The following USH2A variants were observed in gnomAD, a reference collection of about 807,000 sequenced individuals.
The protein encoded by USH2A is usherin.
In USH2A, 443 loss-of-function variants were observed where a neutral mutation model predicts 538.9. The ratio of observed to expected loss-of-function variants is 0.82; its 90% CI spans 0.76 to 0.89. The LOEUF is 0.89. Ranked by LOEUF, USH2A falls within the 40% of genes least tolerant of loss-of-function variation. The probability of loss-of-function intolerance (pLI) is 0.00; values close to 1 mark genes in which losing one functional copy is unlikely to be tolerated. For synonymous variants in USH2A, 2,413 were observed against 2,273.5 expected (o/e 1.06, Z -1.75); for missense variants, 6,633 against 6,324.8 (o/e 1.05, Z -1.65).
chr1:215,712,460 G>A (rs958155102), intron 61 of USH2A, among the ~76,000 whole-genome samples: 66 of 152,140 alleles, frequency 4.3e-4, no homozygotes, highest in African/African-American at 1.5e-3. Context: ...GTTGGCCCTC[G>A]GCAGTGTCAC....
intron 55 of USH2A, among the ~76,000 whole-genome samples, chr1:215,774,324 T>G (rs1661393255): frequency 6.6e-6 from 1 of 151,900 alleles, no homozygotes; most frequent in Non-Finnish European, 1.5e-5. Context: ...AAGACGCCTT[T>G]CCTAAACAAG....
intron 12 of USH2A, among the ~76,000 whole-genome samples, chr1:216,249,601 G>GA (rs2036119345): frequency 1.3e-5 from 2 of 152,044 alleles, no homozygotes; most frequent in Admixed American, 6.6e-5. Context: ...TAAAAAATTA[G>GA]TTTCTGTATG....
chr1:216,005,848 G>C (rs946986630), intron 32 of USH2A, among the ~76,000 whole-genome samples: 2 of 152,080 alleles, frequency 1.3e-5, no homozygotes, highest in African/African-American at 2.4e-5. Flanking sequence ...TTCTGAGTGA[G>C]TGCATATAGA....
intron 4 of USH2A, among the ~76,000 whole-genome samples, chr1:216,363,850 G>C (rs1380790529): frequency 1.3e-5 from 2 of 151,570 alleles, no homozygotes; most frequent in Non-Finnish European, 2.9e-5. Flanking sequence ...AAGGCTCAGA[G>C]GAAGCATATG....
Position 216,413,491 on chromosome 1 carries a change from G to A in USH2A, c.651+5023C>T, listed in dbSNP as rs148589408. On this transcript the variant is annotated intron_variant, in intron 3 of 71. Transcript: ENST00000307340. ...TATTCTAACAAATGTTGGTTAAATT[G>A]CATTTTGTTTTCCTCCAGAACTATC... Among the ~76,000 whole-genome samples the A allele has an allele frequency of 1.9e-3, 285 of 152,138 alleles. 7 individuals are homozygous for A. The East Asian group carries it at 0.04, about 21-fold the overall frequency.
intron 49 of USH2A, among the ~76,000 whole-genome samples, chr1:215,808,879 G>A (rs1662577742): frequency 6.6e-6 from 1 of 151,990 alleles, no homozygotes; most frequent in South Asian, 2.1e-4. Context: ...ACAGGTTTTT[G>A]TGTAAACATA....
chr1:215,791,817 T>A (rs1237618015), intron 50 of USH2A, among the ~76,000 whole-genome samples: 1 of 152,204 alleles, frequency 6.6e-6, no homozygotes, highest in African/African-American at 2.4e-5. Flanking sequence ...TTTATGTGTG[T>A]GTAGCTATGT....
At chr1:215,709,645 TAAAAAAAA>T (rs5780846) in intron 61 of USH2A, among the ~76,000 whole-genome samples, 2 of 127,036 alleles carry the variant, frequency 1.6e-5, no homozygotes, top group Non-Finnish European at 3.3e-5. Flanking sequence ...AGATAATTTG[TAAAAAAAA>T]AAAAAAAAAA....
At chr1:215,793,135 T>C (rs979599551) in intron 50 of USH2A, among the ~76,000 whole-genome samples, 1 of 152,220 alleles carries the variant, frequency 6.6e-6, no homozygotes, top group Non-Finnish European at 1.5e-5. Flanking sequence ...TTATTTCATA[T>C]CTATGTCTAA....
intron 32 of USH2A, among the ~76,000 whole-genome samples, chr1:216,019,977 A>G (rs574569476): frequency 1.2e-4 from 18 of 152,284 alleles, no homozygotes; most frequent in African/African-American, 4.3e-4. Flanking sequence ...TAAATTAACA[A>G]CTAGTAGTAT....
intron 47 of USH2A, among the ~76,000 whole-genome samples, chr1:215,818,971 G>A (rs1183526042): frequency 2.0e-5 from 3 of 151,530 alleles, no homozygotes; most frequent in African/African-American, 7.3e-5. Flanking sequence ...AAATTATAAT[G>A]ATTTTTTTGT....
At chr1:216,083,235 T>C in intron 26 of USH2A, 2 of 445,694 alleles carry the variant, frequency 4.5e-6, no homozygotes. Flanking sequence ...TCTGTTTTCT[T>C]AAAATTATAA....
chr1:216,382,400 T>C (rs1332083869), intron 3 of USH2A, among the ~76,000 whole-genome samples: 1 of 152,190 alleles, frequency 6.6e-6, no homozygotes, highest in Non-Finnish European at 1.5e-5. Context: ...ATAAGAAAGA[T>C]GGATACAATT....
At chr1:216,174,488 C>G (rs2034334095) in intron 21 of USH2A, 1 of 985,260 alleles carries the variant, frequency 1.0e-6, no homozygotes, top group Non-Finnish European at 1.2e-6. Flanking sequence ...CAGGATTGTG[C>G]TGGTACAGAG....
intron 21 of USH2A, 23 bp downstream of exon 21, chr1:216,175,228 TA>T: frequency 6.2e-7 from 1 of 1,613,392 alleles, no homozygotes; most frequent in Non-Finnish European, 8.5e-7. Context: ...GTCTCCTAAA[TA>T]AAGCAATGTC....
At chr1:215,988,997 A>C (rs1440844094) in intron 35 of USH2A, among the ~76,000 whole-genome samples, 2 of 152,344 alleles carry the variant, frequency 1.3e-5, no homozygotes, top group South Asian at 2.1e-4. Context: ...AGTTATGACA[A>C]GGACAGAATG....
chr1:216,098,466 C>T (rs1344766819), intron 21 of USH2A, among the ~76,000 whole-genome samples: 3 of 152,152 alleles, frequency 2.0e-5, no homozygotes, highest in Non-Finnish European at 4.4e-5. Flanking sequence ...AGGAGATCTT[C>T]CTTCAGGCTG....
In USH2A at chr1:215,844,398, C is replaced by A. The variant is rs1663780922; in HGVS notation, c.9154G>T (p.Glu3052Ter). The change falls in exon 46 of 72, where the codon GAG becomes TAG. Residue 3052 changes from glutamate to a stop codon, truncating the protein, a stop_gained. Coordinates refer to ENST00000307340, the MANE Select transcript of USH2A (RefSeq NM_206933.4). LOFTEE classifies it high-confidence loss of function. Reference protein sequence around the residue: ...SPSNPNGVVTEYSIYVNNKLY... With the variant: ...SPSNPNGVVT ...TTATTATTTACATAGATAGAATACT[C>A]AGTGACAACACCATTTGGGTTTGAA... The A allele has an allele frequency of 1.2e-6, 2 of 1,613,702 alleles. No individual in the cohort carries two copies. Among genetic ancestry groups the A allele is most frequent in the South Asian group, 1.1e-5 (1 of 91,086 alleles).
intron 38 of USH2A, among the ~76,000 whole-genome samples, chr1:215,904,167 A>G (rs1665573634): frequency 6.6e-6 from 1 of 152,104 alleles, no homozygotes; most frequent in Non-Finnish European, 1.5e-5. Flanking sequence ...AATGTAATTG[A>G]AAATCCAAAT....
Sources: gnomAD v4.1 joint callset for allele counts (sites outside exome capture counted in the v4.1 genomes callset) on GRCh38, gnomAD v4.1.1 for gene constraint, MANE v1.5 for transcripts, NCBI Gene and HGNC (gene_info 2026-07-23, HGNC 2026-07-21) for gene names.